Variants in MCRIP1 observed in about 807,000 individuals in gnomAD.
MCRIP1 encodes the protein MAPK regulated corepressor interacting protein 1, also known as mapk-regulated corepressor-interacting protein 1.
A neutral mutation model predicts 14.4 loss-of-function variants in MCRIP1; 10 were observed. The ratio of observed to expected loss-of-function variants is 0.70; its 90% confidence interval spans 0.43 to 1.18. The LOEUF (loss-of-function observed/expected upper bound fraction) is 1.18. Among genes scored for constraint, MCRIP1 ranks in the 50% most tolerant of loss-of-function variants. The probability of loss-of-function intolerance (pLI) is 0.00; values close to 1 mark genes in which losing one functional copy is unlikely to be tolerated. For synonymous variants in MCRIP1, 53 were observed against 55.7 expected (o/e 0.95, Z 0.21); for missense variants, 119 against 135.4 (o/e 0.88, Z 0.60).
intron 1 of MCRIP1, among the ~76,000 whole-genome samples, chr17:81,829,453 C>T (rs1031016666): frequency 6.6e-6 from 1 of 152,240 alleles, no homozygotes. Flanking sequence ...CCGAGCATGC[C>T]GATGTCCCGG....
intron 1 of MCRIP1, among the ~76,000 whole-genome samples, chr17:81,831,395 CTGCCCTCAA>C (rs1191894784): frequency 7.4e-6 from 1 of 135,764 alleles, no homozygotes; most frequent in African/African-American, 2.9e-5. Context: ...TCTCTGCTCT[CTGCCCTCAA>C]AAAAAAAAAA....
In MCRIP1 at chr17:81,823,796, C is replaced by T. The variant is rs530914082; in HGVS notation, c.128-283G>A. On this transcript the variant is annotated intron_variant, in intron 3 of 4. Transcript: ENST00000455127. The surrounding 1 kb of genome is among the most constrained non-coding windows in gnomAD (Gnocchi z 6.0). ...AGGCTTCCCTGCGCCTCGGAGGCAG[C>T]GCATCCTCCTCAGCTAGGCCTCTAT... is the stretch of plus-strand genomic sequence containing the variant. 1.1e-4 allele frequency: 65 copies of T among 583,476 alleles called. No homozygotes were observed. Among genetic ancestry groups the T allele is most frequent in the African/African-American group, 4.8e-4 (26 of 53,664 alleles). 36.1% of individuals were successfully genotyped at this position (583,476 alleles called of 1,614,324 possible).
In MCRIP1 at chr17:81,825,776, C is replaced by A. The variant is rs548348055; in HGVS notation, c.-48-1222G>T. 1.9e-4 allele frequency: 241 copies of A among 1,289,468 alleles called. No individual in the cohort carries two copies. The African/African-American group carries it at 3.0e-3, about 16-fold the overall frequency. 79.9% of individuals were successfully genotyped at this position (1,289,468 alleles called of 1,614,324 possible). A position where few individuals can be genotyped will look rare whatever the true frequency, so the allele number is the denominator to read the frequency against. On this transcript the variant is annotated intron_variant, in intron 1 of 4. Coordinates refer to ENST00000455127, the MANE Select transcript of MCRIP1 (RefSeq NM_207368.5). The stretch of plus-strand genomic sequence containing the variant: ...CCCACGGCAGCACCCAGTTTGCTCA[C>A]AAAGTCACCTCTCCTTTCTTGGACT...
chr17:81,830,907 T>G (rs1032050776), intron 1 of MCRIP1, among the ~76,000 whole-genome samples: 8 of 151,330 alleles, frequency 5.3e-5, no homozygotes, highest in Non-Finnish European at 1.2e-4. Flanking sequence ...GGCTCATGCC[T>G]GTAATCCCAG....
chr17:81,826,615 T>A lies in MCRIP1; in HGVS notation c.-48-2061A>T, dbSNP rs999423392. 8 of 493,828 alleles carry A rather than the reference T, an allele frequency of 1.6e-5. No homozygotes were observed. The Admixed American group carries it at 2.1e-4, about 13-fold the overall frequency. 30.6% of individuals were successfully genotyped at this position (493,828 alleles called of 1,614,324 possible). On this transcript the variant is annotated intron_variant, in intron 1 of 4. Transcript: ENST00000455127. The stretch of plus-strand genomic sequence containing the variant: ...CGGGTGGATCAGCTGAGGTCAGGAG[T>A]TTGAGAGCAGCCTGGCGAACATGGT...
intron 1 of MCRIP1, among the ~76,000 whole-genome samples, chr17:81,829,071 A>G (rs1272066111): frequency 1.3e-5 from 2 of 152,148 alleles, no homozygotes; most frequent in East Asian, 3.9e-4. Flanking sequence ...GGGACCCAGG[A>G]CCATAGTGGG....
Position 81,822,940 on chromosome 17 carries a change from G to C in MCRIP1, c.*307C>G. On this transcript the variant is annotated 3_prime_UTR_variant, in exon 5 of 5. Transcript: ENST00000455127. ...GGCCAGGGGCAGGAGGGTGAGGGGA[G>C]AGGAGAGAGGTCAGGTCAGGGCCCC... The C allele has an allele frequency of 1.8e-6, 1 of 548,142 alleles. No individual in the cohort carries two copies. The highest frequency in any genetic ancestry group is 1.9e-5 in the African/African-American group (1 of 53,036). 34.0% of individuals were successfully genotyped at this position (548,142 alleles called of 1,614,324 possible).
chr17:81,823,042 T>C lies in MCRIP1; in HGVS notation c.*205A>G, dbSNP rs2038302774. 4 of 619,282 alleles carry C rather than the reference T, an allele frequency of 6.5e-6. No individual in the cohort carries two copies. The highest frequency in any genetic ancestry group is 3.8e-5 in the South Asian group (2 of 52,064). 38.4% of individuals were successfully genotyped at this position (619,282 alleles called of 1,614,324 possible). On this transcript the variant is annotated 3_prime_UTR_variant, in exon 5 of 5. Coordinates refer to ENST00000455127, the MANE Select transcript of MCRIP1 (RefSeq NM_207368.5). The surrounding 1 kb of genome is among the most constrained non-coding windows in gnomAD (Gnocchi z 6.0). ...AGGGTGGGCAGGGCCCAGACCCCCATGATGGGGGCAGCCTGAGACCCCCAA... is the reference window on the plus strand; with the variant it reads ...AGGGTGGGCAGGGCCCAGACCCCCACGATGGGGGCAGCCTGAGACCCCCAA...
intron 1 of MCRIP1, chr17:81,824,804 C>G (rs2038354726): frequency 1.4e-6 from 2 of 1,385,902 alleles, no homozygotes; most frequent in Non-Finnish European, 9.3e-7. Context: ...AGCGATCAAG[C>G]CCGCTCAGCG....
At position 81,823,517 on chromosome 17, in the gene MCRIP1, C is replaced by A; in HGVS notation, c.128-4G>T. 1 of 1,535,784 alleles carries A rather than the reference C, an allele frequency of 6.5e-7. No homozygotes were observed. Among genetic ancestry groups the A allele is most frequent in the Non-Finnish European group, 8.7e-7 (1 of 1,146,578 alleles). On this transcript the variant is annotated splice_region_variant and splice_polypyrimidine_tract_variant and intron_variant, in intron 3 of 4. Transcript: ENST00000455127. The surrounding 1 kb of genome is among the most constrained non-coding windows in gnomAD (Gnocchi z 6.0). ...TCTCGCTCCACACCCTGCCAGGCTG[C>A]AGAGGCAGAGAGTGGTGTGCTCAGG...
rs999737039 is a variant in MCRIP1, at chr17:81,823,431, G to A, written c.210C>T (p.Val70=). The change falls in exon 4 of 5, where the codon GTC becomes GTT. Residue 70 remains valine, a synonymous_variant. Coordinates refer to ENST00000455127, the MANE Select transcript of MCRIP1 (RefSeq NM_207368.5). This position sits in a 1 kb window ranked among gnomAD's most constrained non-coding sequence, Gnocchi z 6.0. ...RGLVEEYVEK[V]PNPSLKTFKP... Reference sequence around the variant, plus strand: ...ACTCACTCTTCAGGCTGGGGTTAGGGACCTTCTCCACATACTCCTCCACCA... The same window carrying A: ...ACTCACTCTTCAGGCTGGGGTTAGGAACCTTCTCCACATACTCCTCCACCA... 135 of 1,536,644 alleles carry A rather than the reference G, an allele frequency of 8.8e-5. No individual in the cohort carries two copies. Among genetic ancestry groups the A allele is most frequent in the Non-Finnish European group, 1.2e-4 (133 of 1,146,754 alleles).
chr17:81,824,909 G>T, intron 1 of MCRIP1: 1 of 1,182,656 alleles, frequency 8.5e-7, no homozygotes, highest in East Asian at 4.4e-5. Context: ...TGGGCTGGTG[G>T]GGCCGTCAGC....
At chr17:81,826,086 G>T (rs1427047166) in intron 1 of MCRIP1, 3 of 1,473,248 alleles carry the variant, frequency 2.0e-6, no homozygotes, top group Non-Finnish European at 2.7e-6. Flanking sequence ...GCCTCCAGTG[G>T]CCACTTGGCC....
chr17:81,823,421 T>A lies in MCRIP1; in HGVS notation c.220A>T (p.Ser74Cys). Residue 74 changes from serine to cysteine, a missense_variant, in exon 4 of 5, where the codon AGC becomes TGC. By Grantham distance (112) the Ser-to-Cys change is moderately radical. Coordinates refer to ENST00000455127, the MANE Select transcript of MCRIP1 (RefSeq NM_207368.5). This position sits in a 1 kb window ranked among gnomAD's most constrained non-coding sequence, Gnocchi z 6.0. The stretch of plus-strand genomic sequence containing the variant: ...GTCAGCCCCCACTCACTCTTCAGGC[T>A]GGGGTTAGGGACCTTCTCCACATAC... ...EEYVEKVPNPSLKTFKPIDLS... is the reference protein window; with the variant it reads ...EEYVEKVPNPCLKTFKPIDLS... 6.5e-7 allele frequency: 1 copy of A among 1,536,738 alleles called. No homozygotes were observed. Among genetic ancestry groups the A allele is most frequent in the Non-Finnish European group, 8.7e-7 (1 of 1,146,730 alleles).
chr17:81,824,479 C>A lies in MCRIP1; in HGVS notation c.8+20G>T. ...CACAACCCGCCCCGGTGGAGACCAG[C>A]CCACCTGCCTGAGACCCACCTGGTC... On this transcript the variant is annotated intron_variant, in intron 2 of 4. Transcript: ENST00000455127. 1 of 1,535,918 alleles carries A rather than the reference C, an allele frequency of 6.5e-7. No homozygotes were observed. Among genetic ancestry groups the A allele is most frequent in the Non-Finnish European group, 8.7e-7 (1 of 1,146,490 alleles).
Position 81,823,557 on chromosome 17 carries a change from G to A in MCRIP1, c.128-44C>T. 1 of 1,504,350 alleles carries A rather than the reference G, an allele frequency of 6.6e-7. No individual in the cohort carries two copies. The highest frequency in any genetic ancestry group is 1.2e-5 in the South Asian group (1 of 83,324). The allele number at this position is 1,504,350 out of a possible 1,614,324, so 93.2% of individuals were successfully genotyped here. On this transcript the variant is annotated intron_variant, in intron 3 of 4. Coordinates refer to ENST00000455127, the MANE Select transcript of MCRIP1 (RefSeq NM_207368.5). The surrounding 1 kb of genome is among the most constrained non-coding windows in gnomAD (Gnocchi z 6.0). ...GTGTGCTCAGGGCCCCCTGCCCCAG[G>A]GGGTGGCATCCACGTCACGAGAGTG...
Position 81,823,327 on chromosome 17 carries a change from G to A in MCRIP1, c.230-16C>T, listed in dbSNP as rs1473159014. ...GGCTTGAAGGCTGCCAGGGGACAACGCGGTAGGTGGTGGGCACAGGCCCCT... is the reference window on the plus strand; with the variant it reads ...GGCTTGAAGGCTGCCAGGGGACAACACGGTAGGTGGTGGGCACAGGCCCCT... On this transcript the variant is annotated splice_polypyrimidine_tract_variant and intron_variant, in intron 4 of 4. Transcript: ENST00000455127. The surrounding 1 kb of genome is among the most constrained non-coding windows in gnomAD (Gnocchi z 6.0). 18 of 1,536,778 alleles carry A rather than the reference G, an allele frequency of 1.2e-5. No homozygotes were observed. The highest frequency in any genetic ancestry group is 7.8e-5 in the Admixed American group (4 of 50,970).
chr17:81,826,049 C>T (rs796206724), intron 1 of MCRIP1: 18 of 1,439,378 alleles, frequency 1.3e-5, no homozygotes, highest in African/African-American at 1.1e-4. Context: ...TGCCCTCTCC[C>T]GTGGCTCTTC....
Position 81,829,129 on chromosome 17 carries a change from G to A in MCRIP1, c.-49+4109C>T, listed in dbSNP as rs547128690. Among the ~76,000 whole-genome samples, 286 of 152,316 alleles carry A rather than the reference G, an allele frequency of 1.9e-3. 2 individuals are homozygous for A. The highest frequency in any genetic ancestry group is 6.7e-3 in the African/African-American group (279 of 41,574). ...GCACAGGCCCAGAGAAGCGCCGGGGGCAGCCGGAAAAGACCCAGCACACGG... is the reference window on the plus strand; with the variant it reads ...GCACAGGCCCAGAGAAGCGCCGGGGACAGCCGGAAAAGACCCAGCACACGG... On this transcript the variant is annotated intron_variant, in intron 1 of 4. Transcript: ENST00000455127.
Sources: gnomAD v4.1 joint callset for allele counts (sites outside exome capture counted in the v4.1 genomes callset) on GRCh38, gnomAD v4.1.1 for gene constraint, Gnocchi (gnomAD v3.1) non-coding constraint, MANE v1.5 for transcripts, NCBI Gene and HGNC (gene_info 2026-07-23, HGNC 2026-07-21) for gene names.